The following NPTN variants were observed in gnomAD, a reference collection of about 807,000 sequenced individuals.
NPTN encodes the protein neuroplastin, also known as SDR-1.
NPTN carries 5 observed loss-of-function variants against 42.7 expected under a neutral mutation model. The ratio of observed to expected loss-of-function variants is 0.12; its 90% confidence interval spans 0.06 to 0.25. The LOEUF (loss-of-function observed/expected upper bound fraction) is 0.25, where lower values mean the gene tolerates loss of function less well. Among genes scored for constraint, NPTN ranks in the 10% least tolerant of loss-of-function variants. The pLI is 1.00. For synonymous variants in NPTN, 180 were observed against 201.9 expected (o/e 0.89, Z 0.92); for missense variants, 307 against 525.4 (o/e 0.58, Z 4.06).
rs16958030 is a variant in NPTN at position 73,589,504 on chromosome 15, A to T, written c.612-1886T>A. Among the ~76,000 whole-genome samples the T allele has an allele frequency of 7.3e-3, 1,117 of 152,228 alleles. 13 individuals are homozygous for T. Among genetic ancestry groups the T allele is most frequent in the African/African-American group, 0.025 (1,054 of 41,532 alleles). Reference sequence around the variant, plus strand: ...CCAAACACATGCAGAAAGGTTAGTGAGTAATTACAGAAAGAAGAAAAACAT... The same window carrying T: ...CCAAACACATGCAGAAAGGTTAGTGTGTAATTACAGAAAGAAGAAAAACAT... On this transcript the variant is annotated intron_variant, in intron 3 of 8. Coordinates refer to ENST00000345330, the MANE Select transcript of NPTN (RefSeq NM_012428.4).
chr15:73,590,368 G>C lies in NPTN; in HGVS notation c.611+1598C>G, dbSNP rs1419629686. Among the ~76,000 whole-genome samples the C allele has an allele frequency of 2.6e-5, 4 of 152,136 alleles. No individual in the cohort carries two copies. In the East Asian group the frequency reaches 7.7e-4, roughly 29 times the overall value. ...AAGCAGCATTTTATAAAGTCAGGCT[G>C]AAACTTCATGAAGTTAAAGCTCAGC... On this transcript the variant is annotated intron_variant, in intron 3 of 8. Coordinates refer to ENST00000345330, the MANE Select transcript of NPTN (RefSeq NM_012428.4).
rs1895210792 is a variant in NPTN at position 73,569,005 on chromosome 15, C to T, written c.1114+1145G>A. On this transcript the variant is annotated intron_variant, in intron 6 of 8. Coordinates refer to ENST00000345330, the MANE Select transcript of NPTN (RefSeq NM_012428.4). The surrounding 1 kb of genome is among the most constrained non-coding windows in gnomAD (Gnocchi z 4.1). ...ACCAGATGTCACTTTGTATTCTCCA[C>T]TGGACAGCCAGCTCTGTGGGGCAGG... 1.0e-6 allele frequency: 1 copy of T among 985,560 alleles called. No homozygotes were observed. The highest frequency in any genetic ancestry group is 1.2e-6 in the Non-Finnish European group (1 of 830,038). 61.1% of individuals were successfully genotyped at this position (985,560 alleles called of 1,614,324 possible). A position where few individuals can be genotyped will look rare whatever the true frequency, so the allele number is the denominator to read the frequency against.
intron 1 of NPTN, among the ~76,000 whole-genome samples, chr15:73,607,278 T>C (rs999599883): frequency 1.3e-5 from 2 of 152,226 alleles, no homozygotes; most frequent in African/African-American, 4.8e-5. Context: ...AGGTAATTAC[T>C]GCTCAAAAGC....
chr15:73,626,333 C>T (rs1898408110), intron 1 of NPTN, among the ~76,000 whole-genome samples: 1 of 152,170 alleles, frequency 6.6e-6, no homozygotes, highest in African/African-American at 2.4e-5. Flanking sequence ...CAAGGGTTGT[C>T]TGAAGTAGAT....
intron 4 of NPTN, among the ~76,000 whole-genome samples, chr15:73,583,312 G>A (rs1896148971): frequency 6.6e-6 from 1 of 152,124 alleles, no homozygotes; most frequent in South Asian, 2.1e-4. Flanking sequence ...ACCATGGCTT[G>A]GTGCTTAGGA....
chr15:73,572,562 T>A (rs1198544413), intron 5 of NPTN, among the ~76,000 whole-genome samples: 1 of 152,158 alleles, frequency 6.6e-6, no homozygotes, highest in Non-Finnish European at 1.5e-5. Flanking sequence ...CTTATCAGTA[T>A]GTTCTGTGTT....
At chr15:73,616,160 A>C (rs202236512) in intron 1 of NPTN, among the ~76,000 whole-genome samples, 3 of 152,196 alleles carry the variant, frequency 2.0e-5, no homozygotes, top group Non-Finnish European at 4.4e-5. Context: ...TCAGTTTTAC[A>C]AAGTATGCAC....
intron 1 of NPTN, among the ~76,000 whole-genome samples, chr15:73,616,592 C>A (rs951317423): frequency 5.9e-5 from 9 of 152,124 alleles, no homozygotes; most frequent in African/African-American, 2.2e-4. Context: ...AAAATTCAGC[C>A]AATTGTCCAA....
At chr15:73,624,222 C>T (rs1205168522) in intron 1 of NPTN, among the ~76,000 whole-genome samples, 1 of 152,216 alleles carries the variant, frequency 6.6e-6, no homozygotes, top group East Asian at 1.9e-4. Context: ...TAGCACCATA[C>T]TTTTGATACG....
At chr15:73,582,605 G>C (rs1896107118) in intron 4 of NPTN, among the ~76,000 whole-genome samples, 2 of 152,104 alleles carry the variant, frequency 1.3e-5, no homozygotes, top group Non-Finnish European at 2.9e-5. Context: ...ATAATCACCT[G>C]ATGTGCCTTA....
chr15:73,593,245 T>C (rs1896680283), intron 2 of NPTN, among the ~76,000 whole-genome samples: 1 of 152,224 alleles, frequency 6.6e-6, no homozygotes, highest in Non-Finnish European at 1.5e-5. Flanking sequence ...AATCTATCAC[T>C]GTATTAAAGT....
intron 6 of NPTN, among the ~76,000 whole-genome samples, chr15:73,565,357 C>G (rs1222143297): frequency 1.3e-5 from 2 of 152,056 alleles, no homozygotes; most frequent in African/African-American, 4.8e-5. Flanking sequence ...AGGGAAAGAA[C>G]AGAATTACAG....
chr15:73,562,306 C>CA (rs1403384392), intron 7 of NPTN, among the ~76,000 whole-genome samples: 3 of 151,870 alleles, frequency 2.0e-5, no homozygotes, highest in Non-Finnish European at 2.9e-5. Context: ...TGTGAGCACA[C>CA]AAAAAAAACT....
At position 73,610,757 on chromosome 15, in the gene NPTN, AC is replaced by A. The variant is rs140546907; in HGVS notation, c.92-13389del. 5.5e-3 allele frequency among the ~76,000 whole-genome samples: 831 copies of A among 152,294 alleles called. 5 individuals carry two copies. The highest frequency in any genetic ancestry group is 8.6e-3 in the Non-Finnish European group (583 of 68,010). ...TTACAATGTTTATGCCCCTTTTCCT[AC>A]CCTTCTGGTCCCCTCCAGTATTTCT... On this transcript the variant is annotated intron_variant, in intron 1 of 8. Transcript: ENST00000345330.
intron 1 of NPTN, among the ~76,000 whole-genome samples, chr15:73,616,911 T>TA (rs1451376582): frequency 2.6e-5 from 4 of 152,230 alleles, no homozygotes; most frequent in African/African-American, 9.6e-5. Context: ...AAAAACTGGA[T>TA]AAAATTGAAG....
At chr15:73,573,618 G>C (rs753004170) in intron 5 of NPTN, 44 bp downstream of exon 5, 1 of 1,523,430 alleles carries the variant, frequency 6.6e-7, no homozygotes, top group Non-Finnish European at 8.8e-7. Flanking sequence ...ACCTCTGCAG[G>C]GAAAACTCCA....
At chr15:73,591,294 G>A (rs890686606) in intron 3 of NPTN, among the ~76,000 whole-genome samples, 1 of 152,196 alleles carries the variant, frequency 6.6e-6, no homozygotes, top group Non-Finnish European at 1.5e-5. Context: ...AGGATTAGCT[G>A]ATTCTTTTCC....
chr15:73,612,050 T>C (rs1027599083), intron 1 of NPTN, among the ~76,000 whole-genome samples: 1 of 152,220 alleles, frequency 6.6e-6, no homozygotes, highest in Non-Finnish European at 1.5e-5. Flanking sequence ...AAAGCTACTT[T>C]TGAGCAAGCA....
At chr15:73,613,479 C>T (rs1324159650) in intron 1 of NPTN, among the ~76,000 whole-genome samples, 5 of 151,868 alleles carry the variant, frequency 3.3e-5, no homozygotes, top group African/African-American at 1.2e-4. Context: ...TGGTAGTATA[C>T]AAAGATCAAT....
Sources: allele counts gnomAD v4.1 joint callset (sites outside exome capture counted in the v4.1 genomes callset), GRCh38; gene constraint gnomAD v4.1.1; non-coding constraint Gnocchi (gnomAD v3.1); transcripts MANE v1.5; gene names NCBI Gene and HGNC (gene_info 2026-07-23, HGNC 2026-07-21).